The following KIF24 variants were observed in gnomAD, a reference collection of about 807,000 sequenced individuals.
KIF24 encodes kinesin family member 24.
In KIF24, 81 loss-of-function variants were observed where a neutral mutation model predicts 118.9. The ratio of observed to expected loss-of-function variants is 0.68; its 90% CI spans 0.57 to 0.82. The LOEUF (loss-of-function observed/expected upper bound fraction) is 0.82. Among genes scored for constraint, KIF24 ranks in the 40% least tolerant of loss-of-function variants. The pLI, the probability that KIF24 is intolerant of heterozygous loss-of-function variation, is 0.00. For synonymous variants in KIF24, 599 were observed against 610.0 expected (o/e 0.98, Z 0.27); for missense variants, 1,560 against 1,661.6 (o/e 0.94, Z 1.06).
intron 1 of KIF24, among the ~76,000 whole-genome samples, chr9:34,311,859 G>C (rs1837182318): frequency 6.6e-6 from 1 of 151,330 alleles, no homozygotes; most frequent in Admixed American, 6.6e-5. Flanking sequence ...CTTATTTCTA[G>C]GGAGTTCCTT....
At position 34,256,547 on chromosome 9, in the gene KIF24, G is replaced by A. The variant is rs775689293; in HGVS notation, c.3060C>T (p.Thr1020=). Residue 1020 remains threonine (T), a synonymous_variant, in exon 11 of 13, where the codon ACC becomes ACT. Transcript: ENST00000402558. The part of the protein sequence containing the change: ...EVSADGPIQV[T]STVKNGHAVP... Reference sequence around the variant, plus strand: ...CAGCATGACCGTTTTTCACAGTGCTGGTCACCTGGATTGGGCCGTCTGCAC... The same window carrying A: ...CAGCATGACCGTTTTTCACAGTGCTAGTCACCTGGATTGGGCCGTCTGCAC... 10 of 1,613,860 alleles carry A rather than the reference G, an allele frequency of 6.2e-6. No homozygotes were observed. The Admixed American group carries it at 1.7e-4, about 27-fold the overall frequency.
At chr9:34,296,399 C>A (rs1039324420) in intron 4 of KIF24, among the ~76,000 whole-genome samples, 1 of 151,070 alleles carries the variant, frequency 6.6e-6, no homozygotes, top group South Asian at 2.1e-4. Context: ...TGGTGGCGGG[C>A]GCCTGTAGTC....
intron 1 of KIF24, among the ~76,000 whole-genome samples, chr9:34,328,454 A>G (rs1837749736): frequency 6.6e-6 from 1 of 152,206 alleles, no homozygotes. Context: ...AGTTGCAGCA[A>G]CCAATCCAAA....
chr9:34,328,906 G>A (rs1377375485), intron 1 of KIF24, among the ~76,000 whole-genome samples, 200 bp downstream of exon 1: 1 of 152,214 alleles, frequency 6.6e-6, no homozygotes, highest in African/African-American at 2.4e-5. Context: ...AATTGCTGAA[G>A]AAAAGGCAGA....
chr9:34,269,246 G>T lies in KIF24; in HGVS notation c.1443+11C>A. 1 of 1,516,986 alleles carries T rather than the reference G, an allele frequency of 6.6e-7. No homozygotes were observed. Among genetic ancestry groups the T allele is most frequent in the South Asian group, 1.1e-5 (1 of 87,416 alleles). 94.0% of individuals were successfully genotyped at this position (1,516,986 alleles called of 1,614,324 possible). A position where few individuals can be genotyped will look rare whatever the true frequency, so the allele number is the denominator to read the frequency against. ...GAAGGATTTTTAGATTAAAGATTTTGAACAACTTACAGCCAGTAGACTCTG... is the reference window on the plus strand; with the variant it reads ...GAAGGATTTTTAGATTAAAGATTTTTAACAACTTACAGCCAGTAGACTCTG... On this transcript the variant is annotated intron_variant, in intron 8 of 12. Coordinates refer to ENST00000402558, the MANE Select transcript of KIF24 (RefSeq NM_194313.4).
At chr9:34,322,764 G>A (rs1024746731) in intron 1 of KIF24, among the ~76,000 whole-genome samples, 3 of 152,062 alleles carry the variant, frequency 2.0e-5, no homozygotes, top group Non-Finnish European at 4.4e-5. Context: ...TGATATTGCG[G>A]GGTACTGCTT....
In KIF24 at chr9:34,256,348, C is replaced by T. The variant is rs1261872908; in HGVS notation, c.3259G>A (p.Gly1087Ser). Residue 1087 changes from glycine (G) to serine (S), a missense_variant, in exon 11 of 13, where the codon GGC (glycine) becomes AGC (serine). Physicochemically the swap from Gly to Ser is moderately conservative, Grantham distance 56 (BLOSUM62 0). Coordinates refer to ENST00000402558, the MANE Select transcript of KIF24 (RefSeq NM_194313.4). Reference sequence around the variant, plus strand: ...GGCACTGTGTGGCTCACAACTGGGCCCCCTGTGCTCTCTGCCACTAGACTG... The same window carrying T: ...GGCACTGTGTGGCTCACAACTGGGCTCCCTGTGCTCTCTGCCACTAGACTG... ...THSLVAESTG[G>S]PVVSHTVPSG... 1.2e-6 allele frequency: 2 copies of T among 1,613,740 alleles called. No homozygotes were observed. The highest frequency in any genetic ancestry group is 1.3e-5 in the African/African-American group (1 of 75,058).
At chr9:34,324,306 C>T (rs1417238547) in intron 1 of KIF24, among the ~76,000 whole-genome samples, 1 of 152,152 alleles carries the variant, frequency 6.6e-6, no homozygotes, top group Non-Finnish European at 1.5e-5. Context: ...TCTGCCCCTC[C>T]ACTTCTCTCT....
In KIF24 at chr9:34,286,823, T is replaced by A. The variant is rs1453441100; in HGVS notation, c.1128-119A>T. On this transcript the variant is annotated intron_variant, in intron 5 of 12. Transcript: ENST00000402558. ...GTAGCAGTTTTCTGTTTGAGTGGGATGGATGCTTATCCTCCTCCCAACCCC... is the reference window on the plus strand; with the variant it reads ...GTAGCAGTTTTCTGTTTGAGTGGGAAGGATGCTTATCCTCCTCCCAACCCC... The A allele has an allele frequency of 5.7e-6, 4 of 701,012 alleles. No individual in the cohort carries two copies. The Admixed American group carries it at 8.8e-5, about 15-fold the overall frequency. The allele number at this position is 701,012 out of a possible 1,614,324, so 43.4% of individuals were successfully genotyped here.
At chr9:34,281,792 T>C (rs1485015486) in intron 6 of KIF24, among the ~76,000 whole-genome samples, 1 of 152,172 alleles carries the variant, frequency 6.6e-6, no homozygotes, top group African/African-American at 2.4e-5. Flanking sequence ...GAAGCTATAC[T>C]AAGCTAAGTC....
At chr9:34,307,026 G>A (rs1030110430) in intron 2 of KIF24, among the ~76,000 whole-genome samples, 1 of 151,920 alleles carries the variant, frequency 6.6e-6, no homozygotes, top group African/African-American at 2.4e-5. Context: ...TTATACAATT[G>A]TTTCATATCA....
At position 34,306,361 on chromosome 9, in the gene KIF24, A is replaced by T. The variant is rs1456489991; in HGVS notation, c.704T>A (p.Met235Lys). 15 of 1,612,108 alleles carry T rather than the reference A, an allele frequency of 9.3e-6. No homozygotes were observed. Among genetic ancestry groups the T allele is most frequent in the Non-Finnish European group, 1.3e-5 (15 of 1,178,462 alleles). The change falls in exon 3 of 13, where the codon ATG (methionine) becomes AAG (lysine). Residue 235 changes from methionine (M) to lysine (K), a missense_variant. Met to Lys is a moderately conservative substitution (Grantham distance 95). Around this residue, in one of 3 missense-constraint regions of KIF24, gnomAD observed 964 missense variants for 988.0 expected, o/e 0.98. Transcript: ENST00000402558. ...AATTTCTCCACGACGTACCTCCCTCATGCCCAGGGGGCGTTTTCGAACACA... is the reference window on the plus strand; with the variant it reads ...AATTTCTCCACGACGTACCTCCCTCTTGCCCAGGGGGCGTTTTCGAACACA... ...RVCVRKRPLGMREVRRGEINI... is the reference protein window; with the variant it reads ...RVCVRKRPLGKREVRRGEINI...
rs1265240691 is a variant in KIF24 at position 34,310,977 on chromosome 9, A to C, written c.370T>G (p.Phe124Val). 6.2e-7 allele frequency: 1 copy of C among 1,613,860 alleles called. No homozygotes were observed. Among genetic ancestry groups the C allele is most frequent in the East Asian group, 2.2e-5 (1 of 44,892 alleles). Residue 124 changes from phenylalanine (F) to valine (V), a missense_variant, in exon 2 of 13, where the codon TTC becomes GTC. Physicochemically the swap from Phe to Val is conservative, Grantham distance 50. Around this residue, in one of 3 missense-constraint regions of KIF24, gnomAD observed 964 missense variants for 988.0 expected, o/e 0.98. Coordinates refer to ENST00000402558, the MANE Select transcript of KIF24 (RefSeq NM_194313.4). Reference sequence around the variant, plus strand: ...GTGGACTTCTGTTCATTTGCAGAGAAATCTGATAAACTGCACATTTCAAAC... The same window carrying C: ...GTGGACTTCTGTTCATTTGCAGAGACATCTGATAAACTGCACATTTCAAAC... ...DGFEMCSLSD[F>V]SANEQKSTYL... is the part of the protein sequence containing the mutation.
At chr9:34,327,562 C>T (rs967116071) in intron 1 of KIF24, among the ~76,000 whole-genome samples, 3 of 151,886 alleles carry the variant, frequency 2.0e-5, no homozygotes, top group Admixed American at 1.3e-4. Flanking sequence ...GTGCTTTGTA[C>T]GGGGTGAACA....
intron 4 of KIF24, among the ~76,000 whole-genome samples, 198 bp from the exon 5 acceptor site, chr9:34,290,587 A>G (rs1587943439): frequency 2.0e-5 from 3 of 151,458 alleles, no homozygotes; most frequent in Admixed American, 6.6e-5. Flanking sequence ...AAACTACTAC[A>G]CAAGTTTTCC....
intron 1 of KIF24, among the ~76,000 whole-genome samples, chr9:34,319,965 C>A (rs1419158741): frequency 1.3e-5 from 2 of 152,184 alleles, no homozygotes; most frequent in Non-Finnish European, 2.9e-5. Flanking sequence ...ATATTTATAG[C>A]CAAGTACCTT....
chr9:34,280,292 A>C (rs1484610103), intron 6 of KIF24, among the ~76,000 whole-genome samples: 1 of 45,130 alleles, frequency 2.2e-5, no homozygotes, highest in African/African-American at 3.9e-5. Context: ...TCAAAAAAAA[A>C]AAAAAAAAAA....
chr9:34,319,159 G>A, intron 1 of KIF24: 1 of 1,599,110 alleles, frequency 6.3e-7, no homozygotes, highest in Non-Finnish European at 8.6e-7. Context: ...AGAAGGAAAA[G>A]CTGCAAATCG....
chr9:34,257,553 C>A lies in KIF24; in HGVS notation c.2054G>T (p.Ser685Ile), dbSNP rs751540729. 1 of 1,614,084 alleles carries A rather than the reference C, an allele frequency of 6.2e-7. No homozygotes were observed. The highest frequency in any genetic ancestry group is 1.1e-5 in the South Asian group (1 of 91,092). Reference protein sequence around the residue: ...MGNKTVLGWESRASGPGEGLV... With the variant: ...MGNKTVLGWEIRASGPGEGLV... ...GCCTTCTCCTGGGCCTGAGGCCCTG[C>A]TTTCCCACCCAAGGACAGTTTTGTT... Residue 685 changes from serine (S) to isoleucine (I), a missense_variant, in exon 11 of 13, where the codon AGC becomes ATC. Transcript: ENST00000402558.
Sources: gnomAD v4.1 joint callset for allele counts (sites outside exome capture counted in the v4.1 genomes callset) on GRCh38, gnomAD v4.1.1 for gene constraint, gnomAD v4.1.1 regional missense constraint, MANE v1.5 for transcripts, NCBI Gene and HGNC (gene_info 2026-07-23, HGNC 2026-07-21) for gene names.